PYROXD2: variants seen among roughly 807,000 people sequenced by gnomAD.
PYROXD2 encodes pyridine nucleotide-disulfide oxidoreductase domain-containing protein 2.
A neutral mutation model predicts 71.1 loss-of-function variants in PYROXD2; 69 were observed. That is an observed-to-expected ratio of 0.97 (90% CI 0.80 to 1.19). PYROXD2 has a LOEUF of 1.19. Ranked by LOEUF, PYROXD2 falls within the 50% of genes most tolerant of loss-of-function variation. PYROXD2 has a pLI of 0.00. For missense variants in PYROXD2, 745 were observed against 748.9 expected (o/e 0.99, Z 0.06); for synonymous variants, 287 against 302.7 (o/e 0.95, Z 0.54).
rs1842784695 is a variant in PYROXD2, at chr10:98,387,265, G to A, written c.1490C>T (p.Ser497Phe). 1 of 1,614,166 alleles carries A rather than the reference G, an allele frequency of 6.2e-7. No homozygotes were observed. Among genetic ancestry groups the A allele is most frequent in the East Asian group, 2.2e-5 (1 of 44,880 alleles). Reference protein sequence around the residue: ...IEVYAPGFKDSVVGRDILTPP... With the variant: ...IEVYAPGFKDFVVGRDILTPP... ...TGTGAGGATGTCTCTGCCAACCACA[G>A]AGTCCTTGAAGCCAGGGGCATAGAC... Residue 497 changes from serine to phenylalanine, a missense_variant, in exon 14 of 16, where the codon TCT becomes TTT. Physicochemically the swap from Ser to Phe is radical, Grantham distance 155 (BLOSUM62 -2). Coordinates refer to ENST00000370575, the MANE Select transcript of PYROXD2 (RefSeq NM_032709.3).
intron 1 of PYROXD2, chr10:98,414,318 C>A (rs2136055856): frequency 6.6e-6 from 1 of 152,264 alleles, no homozygotes; most frequent in East Asian, 1.9e-4. Flanking sequence ...AAGGAAGGCA[C>A]TAAGGAAAGA....
chr10:98,393,151 C>T (rs1843008722), intron 8 of PYROXD2, 68 bp from the exon 9 acceptor site: 1 of 1,235,568 alleles, frequency 8.1e-7, no homozygotes, highest in African/African-American at 1.5e-5. Flanking sequence ...CCAGGTGCAA[C>T]TATTCCTTTC....
At chr10:98,405,692 G>C (rs978710572) in intron 4 of PYROXD2, among the ~76,000 whole-genome samples, 7 of 152,194 alleles carry the variant, frequency 4.6e-5, no homozygotes, top group Non-Finnish European at 8.8e-5. Flanking sequence ...TGCACACTGC[G>C]CTGGAGCTGC....
Position 98,387,260 on chromosome 10 carries a change from C to A in PYROXD2, c.1495G>T (p.Val499Phe), listed in dbSNP as rs147379482. ...GGTGGTGTGAGGATGTCTCTGCCAA[C>A]CACAGAGTCCTTGAAGCCAGGGGCA... ...VYAPGFKDSV[V>F]GRDILTPPDL... The change falls in exon 14 of 16, where the codon GTT (valine) becomes TTT (phenylalanine). Residue 499 changes from valine to phenylalanine, a missense_variant. Physicochemically the swap from Val to Phe is conservative, Grantham distance 50. Coordinates refer to ENST00000370575, the MANE Select transcript of PYROXD2 (RefSeq NM_032709.3). The A allele has an allele frequency of 3.1e-6, 5 of 1,614,022 alleles. No individual in the cohort carries two copies. The highest frequency in any genetic ancestry group is 1.7e-5 in the Admixed American group (1 of 59,996).
intron 2 of PYROXD2, among the ~76,000 whole-genome samples, chr10:98,410,272 G>T (rs1476368256): frequency 6.6e-6 from 1 of 152,200 alleles, no homozygotes; most frequent in East Asian, 1.9e-4. Flanking sequence ...GCTTCAAGAA[G>T]ATGTTCCACA....
chr10:98,402,235 T>C (rs1843438288), intron 4 of PYROXD2, among the ~76,000 whole-genome samples: 2 of 152,176 alleles, frequency 1.3e-5, no homozygotes, highest in South Asian at 2.1e-4. Flanking sequence ...CACGAGAGGC[T>C]CATAGGAGTT....
Position 98,392,480 on chromosome 10 carries a change from C to A in PYROXD2, c.1014G>T (p.Val338=). 2.5e-6 allele frequency: 4 copies of A among 1,613,904 alleles called. No homozygotes were observed. The highest frequency in any genetic ancestry group is 3.4e-6 in the Non-Finnish European group (4 of 1,180,042). The stretch of plus-strand genomic sequence containing the variant: ...TGATCTGCGGTGATGTGTTGGACAG[C>A]ACCATTTTGCTTCTCACCTCTGTGC... The part of the protein sequence containing the change: ...EDGTEVRSKM[V]LSNTSPQITF... The change falls in exon 10 of 16, where the codon GTG becomes GTT. Residue 338 remains valine, a synonymous_variant. Transcript: ENST00000370575.
chr10:98,391,177 C>A, intron 10 of PYROXD2, 95 bp from the exon 11 acceptor site: 1 of 832,770 alleles, frequency 1.2e-6, no homozygotes, highest in South Asian at 1.4e-5. Context: ...CAGTCGCTCC[C>A]TCCGGAAATC....
chr10:98,389,259 C>T (rs1842867577), intron 12 of PYROXD2, among the ~76,000 whole-genome samples: 1 of 152,120 alleles, frequency 6.6e-6, no homozygotes, highest in Admixed American at 6.5e-5. Context: ...GACCCACATC[C>T]CACTCCCTAT....
Position 98,415,126 on chromosome 10 carries a change from T to C in PYROXD2, c.10A>G (p.Ser4Gly), listed in dbSNP as rs926519693. 22 of 1,612,888 alleles carry C rather than the reference T, an allele frequency of 1.4e-5. No homozygotes were observed. Among genetic ancestry groups the C allele is most frequent in the East Asian group, 1.1e-4 (5 of 44,854 alleles). Residue 4 changes from serine to glycine, a missense_variant, in exon 1 of 16, where the codon AGT becomes GGT. Coordinates refer to ENST00000370575, the MANE Select transcript of PYROXD2 (RefSeq NM_032709.3). ...ACAGCCTTGCAGAGACCTCGGCCAC[T>C]TGCAGCCATTTCTGCCCCAGGCTGG... The part of the protein sequence containing the change: MAA[S>G]GRGLCKAVAA...
Position 98,386,750 on chromosome 10 carries a change from C to T in PYROXD2, c.1554+451G>A, listed in dbSNP as rs930213119. Among the ~76,000 whole-genome samples the T allele has an allele frequency of 3.3e-5, 5 of 152,034 alleles. No individual in the cohort carries two copies. In the East Asian group the frequency reaches 5.8e-4, roughly 18 times the overall value. The stretch of plus-strand genomic sequence containing the variant: ...TTTTTGTAGAGATGGGGTCTCACTA[C>T]GTTGCCTAGGGTGGTCTCTGATCTT... On this transcript the variant is annotated intron_variant, in intron 14 of 15. Coordinates refer to ENST00000370575, the MANE Select transcript of PYROXD2 (RefSeq NM_032709.3).
intron 12 of PYROXD2, among the ~76,000 whole-genome samples, chr10:98,388,822 G>A (rs1192690172): frequency 6.6e-6 from 1 of 152,010 alleles, no homozygotes; most frequent in Non-Finnish European, 1.5e-5. Context: ...CAGTGGGAGT[G>A]TGGAAAGGGG....
chr10:98,390,590 G>A lies in PYROXD2; in HGVS notation c.1292+8C>T. ...AACATCAGGGAACATAAAGTCCAGG[G>A]CCCCTACCTGTGGGAAGGCAGGCCA... On this transcript the variant is annotated splice_region_variant and intron_variant, in intron 12 of 15. Coordinates refer to ENST00000370575, the MANE Select transcript of PYROXD2 (RefSeq NM_032709.3). The A allele has an allele frequency of 4.4e-6, 7 of 1,580,258 alleles. 1 individual carries two copies. The highest frequency in any genetic ancestry group is 6.0e-6 in the Non-Finnish European group (7 of 1,163,064).
chr10:98,383,658 C>T lies in PYROXD2; in HGVS notation c.*140G>A, dbSNP rs368680868. 7.3e-5 allele frequency: 54 copies of T among 740,440 alleles called. No homozygotes were observed. Among genetic ancestry groups the T allele is most frequent in the African/African-American group, 2.8e-4 (16 of 57,418 alleles). The allele number at this position is 740,440 out of a possible 1,614,324, so 45.9% of individuals were successfully genotyped here. A position where few individuals can be genotyped will look rare whatever the true frequency, so the allele number is the denominator to read the frequency against. ...CAACTTGCACTAAATGTAACTCGTA[C>T]GTTTTTTCTAAAATAATTTCTTGAG... On this transcript the variant is annotated 3_prime_UTR_variant, in exon 16 of 16. Coordinates refer to ENST00000370575, the MANE Select transcript of PYROXD2 (RefSeq NM_032709.3).
At chr10:98,392,381 A>G (rs1460746542) in intron 10 of PYROXD2, 51 bp downstream of exon 10, 6 of 1,593,758 alleles carry the variant, frequency 3.8e-6, no homozygotes, top group South Asian at 1.1e-5. Flanking sequence ...ACGATTTCTA[A>G]CCCCTGTTTT....
intron 11 of PYROXD2, 35 bp from the exon 12 acceptor site, chr10:98,390,789 C>T (rs1479965482): frequency 7.1e-6 from 11 of 1,543,522 alleles, no homozygotes; most frequent in Non-Finnish European, 8.7e-6. Context: ...GGTCTTAGCC[C>T]CACAAGGTCC....
At chr10:98,401,510 C>A (rs1239008012) in intron 4 of PYROXD2, among the ~76,000 whole-genome samples, 3 of 152,052 alleles carry the variant, frequency 2.0e-5, no homozygotes, top group Non-Finnish European at 2.9e-5. Context: ...TAGCTTACTG[C>A]AAACTTTTAA....
chr10:98,405,957 G>A (rs571328368), intron 4 of PYROXD2, among the ~76,000 whole-genome samples: 1 of 152,352 alleles, frequency 6.6e-6, no homozygotes, highest in East Asian at 1.9e-4. Flanking sequence ...TAAGGTCATA[G>A]CCCAAGATGT....
At chr10:98,396,141 T>C (rs6584193) in intron 6 of PYROXD2, among the ~76,000 whole-genome samples, 118,403 of 152,242 alleles carry the variant, frequency 0.78, 46,480 homozygotes, top group African/African-American at 0.87. Context: ...GCAGTGCCTC[T>C]CAACCCACCA....
Sources: allele counts gnomAD v4.1 joint callset (sites outside exome capture counted in the v4.1 genomes callset), GRCh38; gene constraint gnomAD v4.1.1; transcripts MANE v1.5; gene names NCBI Gene and HGNC (gene_info 2026-07-23, HGNC 2026-07-21).